Variants in RPGRIP1 observed in about 807,000 individuals in gnomAD.
RPGRIP1 encodes the protein RPGR interacting protein 1.
Under a neutral mutation model 157.9 loss-of-function variants are expected in RPGRIP1, and 128 were observed. That is an observed-to-expected ratio of 0.81 (90% confidence interval 0.70 to 0.94). The LOEUF is 0.94. Ranked by LOEUF, RPGRIP1 falls within the 40% of genes least tolerant of loss-of-function variation. RPGRIP1 has a pLI of 0.00. For missense variants in RPGRIP1, 1,486 were observed against 1,545.8 expected (o/e 0.96, Z 0.65); for synonymous variants, 554 against 571.6 (o/e 0.97, Z 0.44).
At chr14:21,301,725 A>AATAATAATAATAATAATAAT (rs59227988) in intron 4 of RPGRIP1, among the ~76,000 whole-genome samples, 1 of 87,436 alleles carries the variant, frequency 1.1e-5, no homozygotes, top group African/African-American at 4.9e-5. Context: ...ATAATAATAA[A>AATAATAATAATAATAATAAT]AAATTAGCCA....
chr14:21,286,287 G>A (rs1880296715), intron 1 of RPGRIP1, among the ~76,000 whole-genome samples: 1 of 151,892 alleles, frequency 6.6e-6, no homozygotes, highest in Non-Finnish European at 1.5e-5. Flanking sequence ...CACTGCACCT[G>A]GCTGATACAT....
intron 8 of RPGRIP1, chr14:21,310,939 CA>C (rs1566676277): frequency 1.8e-6 from 1 of 559,250 alleles, no homozygotes; most frequent in South Asian, 1.4e-5. Flanking sequence ...TGAGATATAA[CA>C]AAGTTGTTGC....
At position 21,327,584 on chromosome 14, in the gene RPGRIP1, C is replaced by A. The variant is rs776487360; in HGVS notation, c.2711-39C>A. The A allele has an allele frequency of 8.9e-6, 14 of 1,570,508 alleles. No individual in the cohort carries two copies. In the African/African-American group the frequency reaches 1.6e-4, roughly 18 times the overall value. On this transcript the variant is annotated intron_variant, in intron 17 of 24. Transcript: ENST00000400017. ...CTGACAAATGCTCACTTGCTTATTT[C>A]ATGTGATCAGGTCTTATTAATATCT...
intron 8 of RPGRIP1, among the ~76,000 whole-genome samples, chr14:21,311,192 A>C (rs1374197324): frequency 1.3e-5 from 2 of 152,240 alleles, no homozygotes; most frequent in Admixed American, 6.6e-5. Context: ...TAGCTTAGAA[A>C]GTGAAGGCAG....
At chr14:21,331,977 C>G (rs1883844628) in intron 20 of RPGRIP1, among the ~76,000 whole-genome samples, 1 of 136,550 alleles carries the variant, frequency 7.3e-6, no homozygotes, top group African/African-American at 2.7e-5. Context: ...CTCTCTCTGT[C>G]ACCCAGGCTG....
chr14:21,285,532 G>A (rs779381321), intron 1 of RPGRIP1, among the ~76,000 whole-genome samples: 2 of 151,396 alleles, frequency 1.3e-5, no homozygotes, highest in African/African-American at 2.4e-5. Flanking sequence ...TTGAACTCGG[G>A]AGGTGGAGGT....
chr14:21,351,114 TG>T lies in RPGRIP1; in HGVS notation c.3760del (p.Glu1254LysfsTer7). ...LEQELDIVSP[E>X]DLATPIGRLK... ...TCCCTTTCCCAACAGTTGTTAGCCCTGAAGATCTGGCTACCCCAATAGGAAG... is the reference window on the plus strand; with the variant it reads ...TCCCTTTCCCAACAGTTGTTAGCCCTAAGATCTGGCTACCCCAATAGGAAG... On this transcript the variant is annotated frameshift_variant, in exon 25 of 25. Transcript: ENST00000400017. LOFTEE classifies it high-confidence loss of function. The T allele has an allele frequency of 6.2e-7, 1 of 1,606,508 alleles. No homozygotes were observed. The highest frequency in any genetic ancestry group is 2.2e-5 in the East Asian group (1 of 44,802).
At chr14:21,295,567 T>C (rs1880738109) in intron 3 of RPGRIP1, among the ~76,000 whole-genome samples, 1 of 145,704 alleles carries the variant, frequency 6.9e-6, no homozygotes, top group Non-Finnish European at 1.5e-5. Context: ...CACCGCAACC[T>C]CCGCCTCCAG....
At chr14:21,345,032 T>G (rs576637137) in intron 22 of RPGRIP1, 81 bp from the exon 23 acceptor site, 1 of 881,740 alleles carries the variant, frequency 1.1e-6, no homozygotes, top group South Asian at 1.4e-5. Flanking sequence ...AAAACTACCA[T>G]GAATACCACT....
intron 19 of RPGRIP1, among the ~76,000 whole-genome samples, 200 bp from the exon 20 acceptor site, chr14:21,330,049 C>T (rs1005878093): frequency 1.9e-4 from 29 of 150,164 alleles, no homozygotes; most frequent in East Asian, 6.1e-4. Context: ...ACCCAGGAGG[C>T]GAAGGTTGCA....
intron 1 of RPGRIP1, among the ~76,000 whole-genome samples, chr14:21,284,700 T>A (rs1880241236): frequency 6.6e-6 from 1 of 151,982 alleles, no homozygotes. Context: ...TCGTGGCACA[T>A]GTCACCGCGC....
At chr14:21,313,890 C>T (rs1445877091) in intron 10 of RPGRIP1, among the ~76,000 whole-genome samples, 1 of 150,556 alleles carries the variant, frequency 6.6e-6, no homozygotes, top group East Asian at 1.9e-4. Context: ...TTCCACAAAC[C>T]TTTGATGAGA....
At chr14:21,336,545 G>A (rs1884384033) in intron 21 of RPGRIP1, among the ~76,000 whole-genome samples, 1 of 152,094 alleles carries the variant, frequency 6.6e-6, no homozygotes, top group Admixed American at 6.6e-5. Context: ...AAAAACAACA[G>A]CAACGACAAA....
At chr14:21,337,455 T>TTTTTTTTTG (rs1884483790) in intron 21 of RPGRIP1, among the ~76,000 whole-genome samples, 1 of 150,686 alleles carries the variant, frequency 6.6e-6, no homozygotes, top group African/African-American at 2.4e-5. Context: ...TTTTTTTTTT[T>TTTTTTTTTG]GAGATAGAGT....
intron 3 of RPGRIP1, among the ~76,000 whole-genome samples, chr14:21,300,241 G>A (rs1481205357): frequency 1.3e-5 from 2 of 149,738 alleles, no homozygotes; most frequent in African/African-American, 4.9e-5. Context: ...GGAGGCAGAG[G>A]TTGTGGTGAG....
At chr14:21,302,794 A>G in intron 5 of RPGRIP1, 1 of 339,096 alleles carries the variant, frequency 2.9e-6, no homozygotes, top group Non-Finnish European at 5.3e-6. Context: ...ATAAAGGTCC[A>G]TTTCTCAGTT....
intron 21 of RPGRIP1, among the ~76,000 whole-genome samples, chr14:21,335,002 C>T (rs8006453): frequency 0.041 from 5,847 of 143,098 alleles, 428 homozygotes; most frequent in African/African-American, 0.15. Flanking sequence ...GCCAAGATCA[C>T]GCCATTGCAC....
intron 2 of RPGRIP1, among the ~76,000 whole-genome samples, chr14:21,288,607 C>T (rs1001719489): frequency 1.4e-4 from 22 of 151,800 alleles, no homozygotes; most frequent in African/African-American, 5.1e-4. Flanking sequence ...CTATGCCTCC[C>T]GGGTTCAAGC....
At chr14:21,334,286 G>A (rs1342721479) in intron 20 of RPGRIP1, among the ~76,000 whole-genome samples, 1 of 151,998 alleles carries the variant, frequency 6.6e-6, no homozygotes, top group East Asian at 1.9e-4. Flanking sequence ...CTCAAGCTTG[G>A]CCATTTTCTT....
Sources: allele counts gnomAD v4.1 joint callset (sites outside exome capture counted in the v4.1 genomes callset), GRCh38; gene constraint gnomAD v4.1.1; transcripts MANE v1.5; gene names NCBI Gene and HGNC (gene_info 2026-07-23, HGNC 2026-07-21).